HNF1B: variants seen among roughly 807,000 people sequenced by gnomAD.
The protein encoded by HNF1B is HNF1 homeobox B, also known as hepatocyte nuclear factor 1-beta.
A neutral mutation model predicts 61.7 loss-of-function variants in HNF1B; 8 were observed. The observed-to-expected ratio is 0.13, with a 90% CI of 0.08 to 0.23. HNF1B has a LOEUF of 0.23. Among genes scored for constraint, HNF1B ranks in the 10% least tolerant of loss-of-function variants. HNF1B has a pLI of 1.00. For missense variants in HNF1B, 562 were observed against 714.5 expected (o/e 0.79, Z 2.43); for synonymous variants, 314 against 287.7 (o/e 1.09, Z -0.93).
At chr17:37,708,970 C>T (rs1214420610) in intron 5 of HNF1B, among the ~76,000 whole-genome samples, 3 of 152,260 alleles carry the variant, frequency 2.0e-5, no homozygotes, top group South Asian at 4.2e-4. Flanking sequence ...GCACACACGT[C>T]AAGATCTAAA....
chr17:37,710,824 A>T (rs1479611303), intron 4 of HNF1B, among the ~76,000 whole-genome samples, 161 bp from the exon 5 acceptor site: 1 of 152,240 alleles, frequency 6.6e-6, no homozygotes, highest in Non-Finnish European at 1.5e-5. Context: ...TCTCCAGGGT[A>T]AATATGGCAT....
At chr17:37,740,523 G>T (rs901433943) in intron 1 of HNF1B, among the ~76,000 whole-genome samples, 7 of 152,094 alleles carry the variant, frequency 4.6e-5, no homozygotes, top group African/African-American at 1.7e-4. Context: ...AAGCAAGGAG[G>T]ATGTCTTAGC....
At chr17:37,724,830 C>T (rs57484822) in intron 4 of HNF1B, among the ~76,000 whole-genome samples, 1,967 of 151,990 alleles carry the variant, frequency 0.013, 40 homozygotes, top group African/African-American at 0.045. Flanking sequence ...AGGATAATAA[C>T]CATGACTGAC....
chr17:37,744,960 G>T lies in HNF1B; in HGVS notation c.-76C>A. ...AGGAGGGTGGAGGGGAGTTTCACAA[G>T]CAAACCCCAAATCCAGGAACCCCTC... On this transcript the variant is annotated 5_prime_UTR_variant, in exon 1 of 9. Coordinates refer to ENST00000617811, the MANE Select transcript of HNF1B (RefSeq NM_000458.4). The T allele has an allele frequency of 7.8e-7, 1 of 1,288,020 alleles. No homozygotes were observed. Among genetic ancestry groups the T allele is most frequent in the Non-Finnish European group, 1.1e-6 (1 of 910,704 alleles). 79.8% of individuals were successfully genotyped at this position (1,288,020 alleles called of 1,614,324 possible). A position where few individuals can be genotyped will look rare whatever the true frequency, so the allele number is the denominator to read the frequency against.
chr17:37,705,171 A>G, intron 5 of HNF1B, 122 bp from the exon 6 acceptor site: 1 of 1,059,988 alleles, frequency 9.4e-7, no homozygotes, highest in Non-Finnish European at 1.4e-6. Flanking sequence ...TCCTTCATTC[A>G]CTCAATAACA....
intron 4 of HNF1B, among the ~76,000 whole-genome samples, chr17:37,713,794 G>A (rs2033015212): frequency 6.6e-6 from 1 of 152,218 alleles, no homozygotes; most frequent in South Asian, 2.1e-4. Context: ...ACCTGCAGGT[G>A]TTCCCACGAT....
At chr17:37,710,941 T>C (rs1463219307) in intron 4 of HNF1B, among the ~76,000 whole-genome samples, 1 of 152,248 alleles carries the variant, frequency 6.6e-6, no homozygotes, top group African/African-American at 2.4e-5. Flanking sequence ...GAATAGCCAC[T>C]CGGTAAACTT....
At chr17:37,743,182 C>T (rs1195576726) in intron 1 of HNF1B, among the ~76,000 whole-genome samples, 1 of 152,138 alleles carries the variant, frequency 6.6e-6, no homozygotes, top group African/African-American at 2.4e-5. Flanking sequence ...GGCCCTGTGG[C>T]CCCCGGTGGC....
At chr17:37,699,502 C>A (rs1157969465) in intron 7 of HNF1B, among the ~76,000 whole-genome samples, 3 of 152,202 alleles carry the variant, frequency 2.0e-5, no homozygotes, top group Non-Finnish European at 4.4e-5. Context: ...CTCGGCTTGC[C>A]CTTCTCATGC....
At chr17:37,733,277 T>C (rs1449350337) in intron 3 of HNF1B, among the ~76,000 whole-genome samples, 2 of 152,194 alleles carry the variant, frequency 1.3e-5, no homozygotes, top group Non-Finnish European at 2.9e-5. Context: ...ATTCCATAGT[T>C]AACAACCAAT....
chr17:37,701,251 C>A, intron 6 of HNF1B, 74 bp from the exon 7 acceptor site: 1 of 1,421,962 alleles, frequency 7.0e-7, no homozygotes, highest in Non-Finnish European at 9.7e-7. Context: ...ATCATTTGAG[C>A]CCCCGCTCAA....
intron 2 of HNF1B, among the ~76,000 whole-genome samples, chr17:37,734,298 A>G (rs942814092): frequency 6.6e-6 from 1 of 152,332 alleles, no homozygotes; most frequent in African/African-American, 2.4e-5. Flanking sequence ...CTAGGTATCT[A>G]CATTATAAAG....
At chr17:37,705,392 A>G (rs2032711218) in intron 5 of HNF1B, among the ~76,000 whole-genome samples, 1 of 152,238 alleles carries the variant, frequency 6.6e-6, no homozygotes, top group South Asian at 2.1e-4. Context: ...AGTAAAACAG[A>G]CAGTGATCCC....
chr17:37,716,495 G>C (rs1246434535), intron 4 of HNF1B, among the ~76,000 whole-genome samples: 2 of 152,302 alleles, frequency 1.3e-5, no homozygotes, highest in South Asian at 2.1e-4. Context: ...CACTGCGCCC[G>C]GCCTCAAGTG....
At chr17:37,694,642 A>C (rs907984579) in intron 8 of HNF1B, among the ~76,000 whole-genome samples, 1 of 152,046 alleles carries the variant, frequency 6.6e-6, no homozygotes, top group East Asian at 1.9e-4. Flanking sequence ...GGCTGATGAG[A>C]TCTCAGATGG....
intron 6 of HNF1B, 146 bp downstream of exon 6, chr17:37,704,771 A>G (rs1220769722): frequency 4.5e-6 from 4 of 895,104 alleles, no homozygotes; most frequent in Non-Finnish European, 7.4e-6. Flanking sequence ...ATTTAAGGAG[A>G]CAGATGAGAA....
chr17:37,733,174 T>C (rs2033738221), intron 3 of HNF1B, among the ~76,000 whole-genome samples: 1 of 152,174 alleles, frequency 6.6e-6, no homozygotes, highest in Non-Finnish European at 1.5e-5. Context: ...AAACACACAA[T>C]TTCGCTTCCC....
intron 7 of HNF1B, among the ~76,000 whole-genome samples, chr17:37,700,178 A>G (rs1217484086): frequency 6.6e-6 from 1 of 151,958 alleles, no homozygotes; most frequent in Non-Finnish European, 1.5e-5. Flanking sequence ...TATACTGAAC[A>G]CTTCCTTGGG....
At chr17:37,707,699 C>T (rs1023253459) in intron 5 of HNF1B, among the ~76,000 whole-genome samples, 8 of 151,916 alleles carry the variant, frequency 5.3e-5, no homozygotes, top group African/African-American at 1.9e-4. Flanking sequence ...ACAGCCTGAG[C>T]TTTTCACCAT....
Sources: gnomAD v4.1 joint callset for allele counts (sites outside exome capture counted in the v4.1 genomes callset) on GRCh38, gnomAD v4.1.1 for gene constraint, MANE v1.5 for transcripts, NCBI Gene and HGNC (gene_info 2026-07-23, HGNC 2026-07-21) for gene names.